Variants in NEMF observed in about 807,000 individuals in gnomAD.
NEMF encodes ribosome quality control complex subunit NEMF.
Under a neutral mutation model 162.2 loss-of-function variants are expected in NEMF, and 89 were observed. The observed-to-expected ratio is 0.55, with a 90% CI of 0.46 to 0.65. The LOEUF is 0.65. Ranked by LOEUF, NEMF falls within the 30% of genes least tolerant of loss-of-function variation. The pLI, the probability that NEMF is intolerant of heterozygous loss-of-function variation, is 0.00. For synonymous variants in NEMF, 421 were observed against 404.5 expected (o/e 1.04, Z -0.49); for missense variants, 1,133 against 1,261.9 (o/e 0.90, Z 1.55).
At chr14:49,827,020 C>A (rs1671409469) in intron 15 of NEMF, among the ~76,000 whole-genome samples, 1 of 152,006 alleles carries the variant, frequency 6.6e-6, no homozygotes, top group African/African-American at 2.4e-5. Flanking sequence ...TTATGAACAG[C>A]TAAGATCCCA....
In NEMF at chr14:49,787,652, G is replaced by A. The variant is rs571072224; in HGVS notation, c.2896-902C>T. 2.0e-5 allele frequency among the ~76,000 whole-genome samples: 3 copies of A among 152,286 alleles called. No individual in the cohort carries two copies. The East Asian group carries it at 5.8e-4, about 29-fold the overall frequency. On this transcript the variant is annotated intron_variant, in intron 28 of 32. Transcript: ENST00000298310. Reference sequence around the variant, plus strand: ...TAATACCATCACACTGGGTATTTAGGTTCCCATATATGAATTGTGGGGGGA... The same window carrying A: ...TAATACCATCACACTGGGTATTTAGATTCCCATATATGAATTGTGGGGGGA...
intron 4 of NEMF, among the ~76,000 whole-genome samples, chr14:49,843,216 C>G (rs1893303218): frequency 6.6e-6 from 1 of 151,830 alleles, no homozygotes; most frequent in African/African-American, 2.4e-5. Context: ...ATAAAAGAGC[C>G]AGGCGTGGTG....
At position 49,782,472 on chromosome 14, in the gene NEMF, T is replaced by G. The variant is rs1466844496; in HGVS notation, c.*2164A>C. 3 of 1,603,310 alleles carry G rather than the reference T, an allele frequency of 1.9e-6. 1 individual carries two copies. The South Asian group carries it at 3.3e-5, about 18-fold the overall frequency. On this transcript the variant is annotated 3_prime_UTR_variant, in exon 33 of 33. Coordinates refer to ENST00000298310, the MANE Select transcript of NEMF (RefSeq NM_004713.6). ...ATCACAGAGCTGTAAGTATACTACCTTCACATTATTACTGAAACTTACTTG... is the reference window on the plus strand; with the variant it reads ...ATCACAGAGCTGTAAGTATACTACCGTCACATTATTACTGAAACTTACTTG...
At position 49,782,389 on chromosome 14, in the gene NEMF, G is replaced by A. The variant is rs1375210984; in HGVS notation, c.*2247C>T. 4 of 1,612,410 alleles carry A rather than the reference G, an allele frequency of 2.5e-6. No individual in the cohort carries two copies. Among genetic ancestry groups the A allele is most frequent in the African/African-American group, 1.3e-5 (1 of 74,866 alleles). ...ATGCAGGTTATGGCACACAGCTTGT[G>A]CCAGCGATGAAGGAGAAGTAATTGT... On this transcript the variant is annotated 3_prime_UTR_variant, in exon 33 of 33. Transcript: ENST00000298310.
At chr14:49,809,105 A>G (rs8004676) in intron 18 of NEMF, among the ~76,000 whole-genome samples, 3,370 of 152,318 alleles carry the variant, frequency 0.022, 141 homozygotes, top group African/African-American at 0.076. Flanking sequence ...CCACTTTAGA[A>G]TAGACAGTCT....
In NEMF at chr14:49,806,481, T is replaced by C. The variant is rs1023676556; in HGVS notation, c.1745-348A>G. ...TTCACCATCTTGGTCAGGCTGGTCT[T>C]GAACTCCTGACCTCATGATCCACCC... On this transcript the variant is annotated intron_variant, in intron 18 of 32. Coordinates refer to ENST00000298310, the MANE Select transcript of NEMF (RefSeq NM_004713.6). Among the ~76,000 whole-genome samples the C allele has an allele frequency of 4.0e-5, 6 of 150,292 alleles. No homozygotes were observed. The Admixed American group carries it at 4.0e-4, about 10-fold the overall frequency.
At chr14:49,790,091 T>C (rs1000635784) in intron 26 of NEMF, among the ~76,000 whole-genome samples, 1 of 152,246 alleles carries the variant, frequency 6.6e-6, no homozygotes, top group East Asian at 1.9e-4. Context: ...CTAGAGATTT[T>C]TGTCTTGATT....
At chr14:49,817,642 A>G (rs1167077251) in intron 16 of NEMF, among the ~76,000 whole-genome samples, 2 of 152,204 alleles carry the variant, frequency 1.3e-5, no homozygotes, top group African/African-American at 4.8e-5. Context: ...TCTCATATAT[A>G]AAAAGCAAAA....
intron 18 of NEMF, among the ~76,000 whole-genome samples, chr14:49,807,714 C>T (rs1017500938): frequency 1.3e-5 from 2 of 151,746 alleles, no homozygotes; most frequent in Admixed American, 6.6e-5. Flanking sequence ...CTGCCTCAGC[C>T]TCCTGAGTAG....
At chr14:49,794,829 C>G (rs1228861015) in intron 26 of NEMF, among the ~76,000 whole-genome samples, 1 of 150,360 alleles carries the variant, frequency 6.7e-6, no homozygotes, top group Non-Finnish European at 1.5e-5. Context: ...AGCAATTCTT[C>G]TGCCTCAGCC....
rs1449664761 is a variant in NEMF, at chr14:49,821,018, G to A, written c.1577+4849C>T. On this transcript the variant is annotated intron_variant, in intron 16 of 32. Coordinates refer to ENST00000298310, the MANE Select transcript of NEMF (RefSeq NM_004713.6). ...CGGCCGCCCATCATCTGAGATGTGG[G>A]GAGCACCTCTGCCCCGCCGCCCCGT... Among the ~76,000 whole-genome samples the A allele has an allele frequency of 2.2e-3, 6 of 2,736 alleles. 3 individuals are homozygous for A. The highest frequency in any genetic ancestry group is 2.3e-3 in the African/African-American group (6 of 2,632). 1.8% of individuals were successfully genotyped at this position (2,736 alleles called of 152,430 possible). A position where few individuals can be genotyped will look rare whatever the true frequency, so the allele number is the denominator to read the frequency against.
rs557444190 is a variant in NEMF, at chr14:49,843,002, C to G, written c.358-2136G>C. 5.3e-5 allele frequency among the ~76,000 whole-genome samples: 8 copies of G among 151,364 alleles called. No homozygotes were observed. The South Asian group carries it at 1.7e-3, about 31-fold the overall frequency. ...GCCTGGCGACAGGGTGAGACTTATT[C>G]TCAAAAAAAATTAAAAAATAAAAAA... is the stretch of plus-strand genomic sequence containing the variant. On this transcript the variant is annotated intron_variant, in intron 4 of 32. Coordinates refer to ENST00000298310, the MANE Select transcript of NEMF (RefSeq NM_004713.6).
Position 49,843,662 on chromosome 14 carries a change from T to C in NEMF, c.357+2478A>G, listed in dbSNP as rs141080707. ...TGTAGCCTAATACATCCACCAAAGA[T>C]ATGATATAACCTATTGCTCCTAGGC... On this transcript the variant is annotated intron_variant, in intron 4 of 32. Coordinates refer to ENST00000298310, the MANE Select transcript of NEMF (RefSeq NM_004713.6). 6.4e-3 allele frequency among the ~76,000 whole-genome samples: 976 copies of C among 152,326 alleles called. 7 individuals carry two copies. Among genetic ancestry groups the C allele is most frequent in the Non-Finnish European group, 8.0e-3 (545 of 68,034 alleles).
rs112013823 is a variant in NEMF at position 49,814,963 on chromosome 14, G to A, written c.1578-106C>T. 6.1e-5 allele frequency: 40 copies of A among 655,048 alleles called. No individual in the cohort carries two copies. In the African/African-American group the frequency reaches 6.5e-4, roughly 11 times the overall value. The allele number at this position is 655,048 out of a possible 1,614,324, so 40.6% of individuals were successfully genotyped here. ...GGAAGCTATTTAAGACAAGTTGATGGTTTAATTTTTTTAAGGCATCAAGCT... is the reference window on the plus strand; with the variant it reads ...GGAAGCTATTTAAGACAAGTTGATGATTTAATTTTTTTAAGGCATCAAGCT... On this transcript the variant is annotated intron_variant, in intron 16 of 32. Transcript: ENST00000298310.
chr14:49,789,595 G>T (rs777700789), intron 26 of NEMF, 22 bp from the exon 27 acceptor site: 1 of 1,598,616 alleles, frequency 6.3e-7, no homozygotes, highest in East Asian at 2.2e-5. Flanking sequence ...GAAGATTTTG[G>T]TTGGAAATAT....
At chr14:49,820,750 T>G (rs1301813628) in intron 16 of NEMF, among the ~76,000 whole-genome samples, 2 of 152,098 alleles carry the variant, frequency 1.3e-5, no homozygotes, top group Non-Finnish European at 2.9e-5. Context: ...GCCGAGTGCC[T>G]GCGATTGCAG....
intron 8 of NEMF, among the ~76,000 whole-genome samples, chr14:49,832,750 C>T (rs913993864): frequency 5.3e-5 from 8 of 152,136 alleles, no homozygotes; most frequent in African/African-American, 9.7e-5. Flanking sequence ...GAAAAACACT[C>T]ATAAGCTACT....
chr14:49,803,344 T>G, intron 19 of NEMF, 50 bp from the exon 20 acceptor site: 1 of 1,313,698 alleles, frequency 7.6e-7, no homozygotes, highest in Non-Finnish European at 1.1e-6. Context: ...AATACTCTAG[T>G]TTTCTTTTTC....
intron 8 of NEMF, among the ~76,000 whole-genome samples, chr14:49,832,859 G>A (rs1236352066): frequency 6.6e-6 from 1 of 152,092 alleles, no homozygotes; most frequent in Non-Finnish European, 1.5e-5. Flanking sequence ...TGAAACTAAA[G>A]AAATAACTGT....
Sources: allele counts gnomAD v4.1 joint callset (sites outside exome capture counted in the v4.1 genomes callset), GRCh38; gene constraint gnomAD v4.1.1; transcripts MANE v1.5; gene names NCBI Gene and HGNC (gene_info 2026-07-23, HGNC 2026-07-21).